KCTD5: variants seen among roughly 807,000 people sequenced by gnomAD.
KCTD5 encodes the protein BTB/POZ domain-containing protein KCTD5.
Under a neutral mutation model 27.9 loss-of-function variants are expected in KCTD5, and 12 were observed. The ratio of observed to expected loss-of-function variants is 0.43; its 90% confidence interval spans 0.28 to 0.70. The LOEUF is 0.70. Ranked by LOEUF, KCTD5 falls within the 30% of genes least tolerant of loss-of-function variation. The pLI is 0.19. For synonymous variants in KCTD5, 147 were observed against 121.4 expected, an observed-to-expected ratio of 1.21 and a Z score of -1.39; for missense variants, 226 against 274.8, an observed-to-expected ratio of 0.82 and a Z score of 1.26.
chr16:2,687,168 C>T (rs1318574591), intron 1 of KCTD5, among the ~76,000 whole-genome samples: 1 of 152,220 alleles, frequency 6.6e-6, no homozygotes, highest in Non-Finnish European at 1.5e-5. Flanking sequence ...ACCTGAAGCC[C>T]TTTAGACCTT....
chr16:2,704,939 A>G (rs1428931326), intron 5 of KCTD5, among the ~76,000 whole-genome samples: 2 of 152,174 alleles, frequency 1.3e-5, no homozygotes, highest in African/African-American at 2.4e-5. Context: ...CCAGCCCCGG[A>G]TCGCAAGATG....
intron 1 of KCTD5, among the ~76,000 whole-genome samples, chr16:2,688,238 TA>T (rs2067550173): frequency 2.3e-5 from 2 of 87,956 alleles, no homozygotes; most frequent in African/African-American, 8.7e-5. Flanking sequence ...AATATATATA[TA>T]TATATATTTA....
At chr16:2,694,089 TG>T (rs1325430939) in intron 1 of KCTD5, among the ~76,000 whole-genome samples, 2 of 137,244 alleles carry the variant, frequency 1.5e-5, no homozygotes, top group African/African-American at 5.2e-5. Context: ...TCTCTCTGTA[TG>T]GGGGTGGGGC....
At position 2,682,562 on chromosome 16, in the gene KCTD5, A is replaced by G. The variant is rs2067522287; in HGVS notation, c.14A>G (p.His5Arg). The change falls in exon 1 of 6, where the codon CAC (histidine) becomes CGC (arginine). Residue 5 changes from histidine (H) to arginine (R), a missense_variant. Coordinates refer to ENST00000301738, the MANE Select transcript of KCTD5 (RefSeq NM_018992.4). Reference protein sequence around the residue: MAENHCELLSPARGG... With the variant: MAENRCELLSPARGG... ...CTTGCTGGGATCATGGCGGAGAATC[A>G]CTGCGAGCTCCTGTCGCCGGCCCGG... The G allele has an allele frequency of 5.0e-6, 7 of 1,409,164 alleles. No homozygotes were observed. The highest frequency in any genetic ancestry group is 3.0e-5 in the African/African-American group (2 of 66,862). 87.3% of individuals were successfully genotyped at this position (1,409,164 alleles called of 1,614,324 possible).
chr16:2,687,176 C>G (rs979508186), intron 1 of KCTD5, among the ~76,000 whole-genome samples: 1 of 152,210 alleles, frequency 6.6e-6, no homozygotes, highest in Non-Finnish European at 1.5e-5. Flanking sequence ...CCCTTTAGAC[C>G]TTAGGCCACG....
intron 1 of KCTD5, among the ~76,000 whole-genome samples, chr16:2,692,654 C>G (rs572614714): frequency 1.2e-4 from 19 of 152,362 alleles, no homozygotes; most frequent in Admixed American, 3.9e-4. Context: ...ACTTTGGTCC[C>G]CGGGACTGGC....
At chr16:2,683,845 G>C (rs1165306163) in intron 1 of KCTD5, 1 of 145,502 alleles carries the variant, frequency 6.9e-6, no homozygotes, top group Non-Finnish European at 1.5e-5. Flanking sequence ...CCCTCTTCAA[G>C]TTTGAGAAGC....
intron 1 of KCTD5, among the ~76,000 whole-genome samples, chr16:2,693,053 A>G (rs1270813752): frequency 6.6e-6 from 1 of 152,212 alleles, no homozygotes; most frequent in Non-Finnish European, 1.5e-5. Flanking sequence ...CCTCCTCCCG[A>G]GGCCCGGGAA....
At chr16:2,705,108 C>G in intron 5 of KCTD5, among the ~76,000 whole-genome samples, 1 of 152,202 alleles carries the variant, frequency 6.6e-6, no homozygotes, top group Admixed American at 6.5e-5. Flanking sequence ...CCTGTCTTCT[C>G]CCCCACTGCG....
At chr16:2,699,289 G>A (rs1408446483) in intron 3 of KCTD5, 1 of 450,542 alleles carries the variant, frequency 2.2e-6, no homozygotes, top group Non-Finnish European at 4.5e-6. Flanking sequence ...GCTGCCTGGA[G>A]GGGCACAGCA....
At chr16:2,688,791 T>G (rs1245931249) in intron 1 of KCTD5, among the ~76,000 whole-genome samples, 4 of 60,482 alleles carry the variant, frequency 6.6e-5, no homozygotes, top group Admixed American at 3.5e-4. Context: ...GACTGGACCC[T>G]GCACTGTGGG....
intron 5 of KCTD5, among the ~76,000 whole-genome samples, chr16:2,706,752 ACTTGGGGTAG>A (rs2067638260): frequency 6.6e-6 from 1 of 151,720 alleles, no homozygotes; most frequent in Non-Finnish European, 1.5e-5. Flanking sequence ...CGTGATCTGC[ACTTGGGGTAG>A]GGCCCTCTGA....
chr16:2,698,406 C>G lies in KCTD5; in HGVS notation c.453+409C>G, dbSNP rs566939855. On this transcript the variant is annotated intron_variant, in intron 3 of 5. Transcript: ENST00000301738. ...AGCAGATGGGTCGTGTGGGTCTGCG[C>G]AGGCGCCAGAAGGACCTTGGTTTTA... Among the ~76,000 whole-genome samples, 7 of 152,340 alleles carry G rather than the reference C, an allele frequency of 4.6e-5. No individual in the cohort carries two copies. In the South Asian group the frequency reaches 1.0e-3, roughly 23 times the overall value.
intron 5 of KCTD5, among the ~76,000 whole-genome samples, chr16:2,705,065 C>T (rs549460360): frequency 1.1e-4 from 17 of 152,310 alleles, no homozygotes; most frequent in African/African-American, 3.4e-4. Flanking sequence ...GGTTTGGGCC[C>T]GGGGCACCCG....
chr16:2,692,465 C>G (rs2067570893), intron 1 of KCTD5, among the ~76,000 whole-genome samples: 1 of 152,180 alleles, frequency 6.6e-6, no homozygotes, highest in African/African-American at 2.4e-5. Flanking sequence ...ATTGACTTCC[C>G]AGCTCTCAGC....
intron 5 of KCTD5, 75 bp from the exon 6 acceptor site, chr16:2,707,223 T>C (rs973269211): frequency 2.0e-6 from 3 of 1,465,892 alleles, no homozygotes; most frequent in Admixed American, 1.8e-5. Context: ...GTGGGCTCTG[T>C]TTTCTGGAGC....
rs543250902 is a variant in KCTD5, at chr16:2,695,387, G to T, written c.253-548G>T. On this transcript the variant is annotated intron_variant, in intron 1 of 5. Transcript: ENST00000301738. ...GTCACTGTGGCCTCCCTCGCTGCTG[G>T]CTCCCGGCCTGTTGGGCAGCCGCCC... is the stretch of plus-strand genomic sequence containing the variant. Among the ~76,000 whole-genome samples the T allele has an allele frequency of 2.4e-5, 3 of 124,166 alleles. No individual in the cohort carries two copies. The East Asian group carries it at 5.9e-4, about 24-fold the overall frequency. 81.5% of individuals were successfully genotyped at this position (124,166 alleles called of 152,430 possible).
intron 3 of KCTD5, among the ~76,000 whole-genome samples, chr16:2,698,701 G>T (rs2067597648): frequency 6.6e-6 from 1 of 152,170 alleles, no homozygotes; most frequent in South Asian, 2.1e-4. Context: ...AGAGCCCTGG[G>T]CCCTGTGCAG....
intron 4 of KCTD5, among the ~76,000 whole-genome samples, chr16:2,700,975 C>G (rs1416590071): frequency 6.6e-6 from 1 of 152,158 alleles, no homozygotes; most frequent in Non-Finnish European, 1.5e-5. Flanking sequence ...CCCACGGGAA[C>G]AGAAATCTTT....
Sources: allele counts gnomAD v4.1 joint callset (sites outside exome capture counted in the v4.1 genomes callset), GRCh38; gene constraint gnomAD v4.1.1; transcripts MANE v1.5; gene names NCBI Gene and HGNC (gene_info 2026-07-23, HGNC 2026-07-21).